The following SMS variants were observed in gnomAD, a reference collection of about 807,000 sequenced individuals.
SMS encodes spermidine aminopropyltransferase.
In SMS, 3 loss-of-function variants were observed where a neutral mutation model predicts 33.0. The ratio of observed to expected loss-of-function variants is 0.09; its 90% CI spans 0.04 to 0.23. The LOEUF (loss-of-function observed/expected upper bound fraction) is 0.23, where lower values mean the gene tolerates loss of function less well. Among genes scored for constraint, SMS ranks in the 10% least tolerant of loss-of-function variants. The pLI is 1.00. For missense variants in SMS, 117 were observed against 288.6 expected (o/e 0.41, Z 4.31); for synonymous variants, 103 against 112.2 (o/e 0.92, Z 0.52).
chrX:21,977,804 T>A (rs191574453), intron 5 of SMS, among the ~76,000 whole-genome samples, 156 bp from the exon 6 acceptor site: 1 of 112,425 alleles, frequency 8.9e-6, no homozygotes, highest in Non-Finnish European at 1.9e-5. Flanking sequence ...GAAAAAGTCC[T>A]CAATGGAAAA....
At chrX:21,988,236 G>A (rs1471595471) in intron 9 of SMS, among the ~76,000 whole-genome samples, 1 of 111,926 alleles carries the variant, frequency 8.9e-6, no homozygotes, top group South Asian at 3.6e-4. Flanking sequence ...AAGTCAAAAA[G>A]CAAGTGATTT....
intron 1 of SMS, among the ~76,000 whole-genome samples, chrX:21,959,144 T>C (rs1016402453): frequency 9.8e-5 from 11 of 112,445 alleles, no homozygotes; most frequent in Admixed American, 6.6e-4. Flanking sequence ...CATAGGGCTA[T>C]AAAGCCAAGC....
intron 1 of SMS, chrX:21,941,427 G>A (rs1024437547): frequency 1.7e-5 from 3 of 176,158 alleles, no homozygotes; most frequent in African/African-American, 9.5e-5. Flanking sequence ...CTGGGGAAAG[G>A]TCTGCGGACG....
At position 21,941,884 on chromosome X, in the gene SMS, C is replaced by CAAAAAAAAAAA. The variant is rs760394146; in HGVS notation, c.49+1040_49+1050dup. Among the ~76,000 whole-genome samples the CAAAAAAAAAAA allele has an allele frequency of 2.0e-4, 4 of 19,565 alleles. 1 individual carries two copies. The highest frequency in any genetic ancestry group is 3.9e-4 in the Non-Finnish European group (4 of 10,376). 17.0% of individuals were successfully genotyped at this position (19,565 alleles called of 115,157 possible). On this transcript the variant is annotated intron_variant, in intron 1 of 10. Transcript: ENST00000404933. ...TGGGCGACAGAGCAAGACCCTGTCT[C>CAAAAAAAAAAA]AAAAAAAAAAAAAAAAAAAAAAAAA...
chrX:21,954,669 G>C (rs1021154339), intron 1 of SMS, among the ~76,000 whole-genome samples: 3 of 111,857 alleles, frequency 2.7e-5, no homozygotes, highest in Non-Finnish European at 3.8e-5. Context: ...GCCACAGGAA[G>C]GGAAGGCAGA....
chrX:21,969,500 C>T (rs1923971881), intron 2 of SMS, among the ~76,000 whole-genome samples: 1 of 111,833 alleles, frequency 8.9e-6, no homozygotes, highest in African/African-American at 3.3e-5. Flanking sequence ...CCGCCTCTCA[C>T]TGTTTTTACT....
intron 1 of SMS, among the ~76,000 whole-genome samples, chrX:21,965,904 C>T (rs1423732822): frequency 5.4e-5 from 6 of 111,469 alleles, no homozygotes; most frequent in East Asian, 5.6e-4. Flanking sequence ...TGCATTGAGC[C>T]GAGATTGCGC....
rs1260210326 is a variant in SMS at position 21,980,429 on chromosome X, A to AAAAAAAAT, written c.750+1464_750+1465insAAAAAATA. 4.5e-3 allele frequency among the ~76,000 whole-genome samples: 285 copies of AAAAAAAAT among 63,004 alleles called. 9 individuals carry two copies. Among genetic ancestry groups the AAAAAAAAT allele is most frequent in the South Asian group, 0.012 (8 of 674 alleles). The allele number at this position is 63,004 out of a possible 115,157, so 54.7% of individuals were successfully genotyped here. Reference sequence around the variant, plus strand: ...GAGACTGTCTCCAAAAAAAAAAAAAAATATATATATATATATATATATATT... The same window carrying AAAAAAAAT: ...GAGACTGTCTCCAAAAAAAAAAAAAAAAAAAAATATATATATATATATATATATATATT... On this transcript the variant is annotated intron_variant, in intron 7 of 10. Transcript: ENST00000404933.
chrX:21,994,472 ATAAT>A lies in SMS; in HGVS notation c.*124_*127del. 2 of 1,103,122 alleles carry A rather than the reference ATAAT, an allele frequency of 1.8e-6. No individual in the cohort carries two copies. The highest frequency in any genetic ancestry group is 2.4e-6 in the Non-Finnish European group (2 of 843,010). The allele number at this position is 1,103,122 out of a possible 1,213,427, so 90.9% of individuals were successfully genotyped here. On this transcript the variant is annotated 3_prime_UTR_variant, in exon 11 of 11. Transcript: ENST00000404933. Reference sequence around the variant, plus strand: ...ATTCCTTAAAGTTTTCCTTTTTTTAATAATTATTTTTAATTTAAAAAAGCAAATG... The same window carrying A: ...ATTCCTTAAAGTTTTCCTTTTTTTAATATTTTTAATTTAAAAAAGCAAATG...
chrX:21,988,857 C>T (rs1045313762), intron 9 of SMS, among the ~76,000 whole-genome samples: 5 of 110,121 alleles, frequency 4.5e-5, no homozygotes, highest in Admixed American at 2.9e-4. Context: ...CGTGGAGGGA[C>T]GTGGGAATCA....
chrX:21,948,921 A>G (rs1036061937), intron 1 of SMS, among the ~76,000 whole-genome samples: 6 of 111,962 alleles, frequency 5.4e-5, no homozygotes, highest in Non-Finnish European at 1.1e-4. Context: ...AACCTCCTCA[A>G]TTGAATCTGC....
chrX:21,970,850 A>T (rs923822641), intron 2 of SMS, among the ~76,000 whole-genome samples: 7 of 106,835 alleles, frequency 6.6e-5, no homozygotes, highest in Non-Finnish European at 1.3e-4. Context: ...TATAATTTGT[A>T]GTAGGAGGTA....
intron 2 of SMS, among the ~76,000 whole-genome samples, chrX:21,971,135 G>A (rs767554626): frequency 1.8e-5 from 2 of 109,005 alleles, no homozygotes; most frequent in Non-Finnish European, 3.8e-5. Context: ...GGTGGAGGCT[G>A]CAGTGAGCCG....
intron 6 of SMS, among the ~76,000 whole-genome samples, chrX:21,978,381 C>T (rs986586006): frequency 3.6e-5 from 4 of 111,341 alleles, no homozygotes; most frequent in African/African-American, 1.3e-4. Context: ...TCAAGACCAG[C>T]CTGATCGACA....
intron 1 of SMS, among the ~76,000 whole-genome samples, chrX:21,960,760 G>A (rs1923289500): frequency 1.8e-5 from 2 of 111,747 alleles, no homozygotes; most frequent in Non-Finnish European, 3.8e-5. Context: ...GGGGAGGGGT[G>A]TTGACAACAC....
intron 1 of SMS, among the ~76,000 whole-genome samples, chrX:21,956,203 G>C (rs1922959489): frequency 8.9e-6 from 1 of 112,288 alleles, no homozygotes; most frequent in Non-Finnish European, 1.9e-5. Flanking sequence ...TTTCTGTGTT[G>C]GTGTTGTGTT....
intron 4 of SMS, among the ~76,000 whole-genome samples, chrX:21,973,199 A>G (rs1397547706): frequency 1.8e-5 from 2 of 112,324 alleles, no homozygotes; most frequent in African/African-American, 3.2e-5. Flanking sequence ...CTGCCACCTC[A>G]TCAAAGGGAG....
intron 7 of SMS, among the ~76,000 whole-genome samples, chrX:21,980,777 A>G (rs1320473099): frequency 9.0e-6 from 1 of 111,332 alleles, no homozygotes; most frequent in East Asian, 2.8e-4. Flanking sequence ...CTTACGTAGG[A>G]AATTATTTGA....
At chrX:21,942,557 C>T (rs1921891003) in intron 1 of SMS, among the ~76,000 whole-genome samples, 1 of 111,909 alleles carries the variant, frequency 8.9e-6, no homozygotes, top group Admixed American at 9.5e-5. Flanking sequence ...AATTTTAGTT[C>T]CCACATTTCT....
Sources: gnomAD v4.1 joint callset for allele counts (sites outside exome capture counted in the v4.1 genomes callset) on GRCh38, gnomAD v4.1.1 for gene constraint, MANE v1.5 for transcripts, NCBI Gene and HGNC (gene_info 2026-07-23, HGNC 2026-07-21) for gene names.